The following FILIP1 variants were observed in gnomAD, a reference collection of about 807,000 sequenced individuals.
The protein encoded by FILIP1 is filamin-A-interacting protein 1.
FILIP1 carries 61 observed loss-of-function variants against 102.1 expected under a neutral mutation model. The observed-to-expected ratio is 0.60, with a 90% confidence interval of 0.49 to 0.74. The LOEUF (loss-of-function observed/expected upper bound fraction) is 0.74. Among genes scored for constraint, FILIP1 ranks in the 30% least tolerant of loss-of-function variants. The pLI, the probability that FILIP1 is intolerant of heterozygous loss-of-function variation, is 0.00. For missense variants in FILIP1, 1,314 were observed against 1,441.2 expected (o/e 0.91, Z 1.43); for synonymous variants, 491 against 526.9 (o/e 0.93, Z 0.93).
intron 2 of FILIP1, among the ~76,000 whole-genome samples, chr6:75,402,546 C>G (rs1046495502): frequency 6.6e-6 from 1 of 152,114 alleles, no homozygotes; most frequent in African/African-American, 2.4e-5. Context: ...CCTCATTCTT[C>G]AGAAGCACAG....
chr6:75,355,347 T>G (rs1319459972), intron 3 of FILIP1, among the ~76,000 whole-genome samples: 3 of 151,530 alleles, frequency 2.0e-5, no homozygotes, highest in Non-Finnish European at 4.4e-5. Flanking sequence ...TCCGGAAATA[T>G]TATTACCAGG....
chr6:75,343,415 T>C (rs73453760), intron 4 of FILIP1, among the ~76,000 whole-genome samples: 1,689 of 152,232 alleles, frequency 0.011, 37 homozygotes, highest in African/African-American at 0.039. Context: ...TTTATATTAC[T>C]CTCCATCTTT....
At chr6:75,422,607 T>G (rs1033479913) in intron 1 of FILIP1, among the ~76,000 whole-genome samples, 1 of 152,172 alleles carries the variant, frequency 6.6e-6, no homozygotes, top group Non-Finnish European at 1.5e-5. Flanking sequence ...TTAGGCATTA[T>G]CTCAGCAGTC....
chr6:75,354,013 A>C (rs755321095), intron 3 of FILIP1, among the ~76,000 whole-genome samples: 5 of 152,086 alleles, frequency 3.3e-5, no homozygotes, highest in African/African-American at 4.8e-5. Context: ...TATCCATTCT[A>C]CTGTTGATGA....
chr6:75,446,163 T>C (rs1778438533), intron 1 of FILIP1, among the ~76,000 whole-genome samples: 1 of 152,158 alleles, frequency 6.6e-6, no homozygotes, highest in Admixed American at 6.5e-5. Context: ...AACTTATATT[T>C]ATTAGAATAT....
In FILIP1 at chr6:75,424,549, C is replaced by A. The variant is rs1316267735; in HGVS notation, c.-6-9571G>T. 5.3e-5 allele frequency among the ~76,000 whole-genome samples: 8 copies of A among 152,206 alleles called. No individual in the cohort carries two copies. In the East Asian group the frequency reaches 9.6e-4, roughly 18 times the overall value. ...CTCCAGAAACAGAAACATTTTATGA[C>A]AACTGGATGAGTAGAACTGTTTTTT... is the stretch of plus-strand genomic sequence containing the variant. On this transcript the variant is annotated intron_variant, in intron 1 of 5. Transcript: ENST00000237172.
intron 1 of FILIP1, among the ~76,000 whole-genome samples, chr6:75,429,329 T>A (rs943451525): frequency 6.6e-6 from 1 of 152,256 alleles, no homozygotes; most frequent in South Asian, 2.1e-4. Context: ...AGGCCAACTC[T>A]GTGTGTAGGG....
At chr6:75,465,388 A>C (rs758873786) in intron 1 of FILIP1, 28 of 515,954 alleles carry the variant, frequency 5.4e-5, no homozygotes, top group Non-Finnish European at 9.3e-5. Context: ...AACATAAATT[A>C]ATCTGAATGG....
intron 2 of FILIP1, 118 bp downstream of exon 2, chr6:75,414,579 G>A: frequency 1.0e-6 from 1 of 967,868 alleles, no homozygotes; most frequent in Non-Finnish European, 1.5e-6. Flanking sequence ...AGAAATAAGG[G>A]AAACATTCTC....
Position 75,315,216 on chromosome 6 carries a change from T to C in FILIP1, c.630-14A>G, listed in dbSNP as rs376789528. 1.3e-5 allele frequency: 20 copies of C among 1,490,320 alleles called. No individual in the cohort carries two copies. The highest frequency in any genetic ancestry group is 1.7e-5 in the Non-Finnish European group (19 of 1,116,288). The allele number at this position is 1,490,320 out of a possible 1,614,324, so 92.3% of individuals were successfully genotyped here. A position where few individuals can be genotyped will look rare whatever the true frequency, so the allele number is the denominator to read the frequency against. On this transcript the variant is annotated splice_polypyrimidine_tract_variant and intron_variant, in intron 4 of 5. Coordinates refer to ENST00000237172, the MANE Select transcript of FILIP1 (RefSeq NM_015687.5). ...AGCTTTTTTAACCTAGAAAATAAAATATACCTATATGTTAAAAGAGTAATC... is the reference window on the plus strand; with the variant it reads ...AGCTTTTTTAACCTAGAAAATAAAACATACCTATATGTTAAAAGAGTAATC...
At position 75,323,146 on chromosome 6, in the gene FILIP1, A is replaced by AT. The variant is rs1294098068; in HGVS notation, c.630-7945dup. 1.1e-4 allele frequency among the ~76,000 whole-genome samples: 16 copies of AT among 151,976 alleles called. 1 individual carries two copies. Among genetic ancestry groups the AT allele is most frequent in the South Asian group, 8.3e-4 (4 of 4,806 alleles). On this transcript the variant is annotated intron_variant, in intron 4 of 5. Transcript: ENST00000237172. ...ATTTAGAAAACTCTTTATTAATGTG[A>AT]TTTTTTTTACATTTAATTAAATAAT...
chr6:75,295,764 T>C, exon 7 of FILIP1: 1 of 459,154 alleles, frequency 2.2e-6, no homozygotes, highest in Non-Finnish European at 3.6e-6. Context: ...TTTTACATTA[T>C]ATCCTTAAAA....
At chr6:75,384,831 G>A in intron 2 of FILIP1, 1 of 122,010 alleles carries the variant, frequency 8.2e-6, no homozygotes, top group South Asian at 2.5e-4. Flanking sequence ...GTCTTGTTCT[G>A]TTGCCCAGGC....
intron 1 of FILIP1, among the ~76,000 whole-genome samples, chr6:75,445,029 C>T (rs933992526): frequency 5.3e-5 from 8 of 152,070 alleles, no homozygotes; most frequent in Admixed American, 3.9e-4. Flanking sequence ...AACATAAATT[C>T]GAGGCTGAGA....
chr6:75,383,989 A>G (rs1775993219), intron 2 of FILIP1, among the ~76,000 whole-genome samples: 1 of 152,190 alleles, frequency 6.6e-6, no homozygotes, highest in Non-Finnish European at 1.5e-5. Context: ...CAACAATAGA[A>G]TGGAAAGGTC....
chr6:75,366,351 G>T (rs971866682), intron 2 of FILIP1, among the ~76,000 whole-genome samples: 5 of 152,122 alleles, frequency 3.3e-5, no homozygotes, highest in Non-Finnish European at 7.4e-5. Flanking sequence ...AGTTTACATG[G>T]CTTGAGCATA....
intron 4 of FILIP1, among the ~76,000 whole-genome samples, chr6:75,338,165 A>T (rs879014791): frequency 6.6e-6 from 1 of 152,224 alleles, no homozygotes; most frequent in African/African-American, 2.4e-5. Context: ...ATATTTTTTA[A>T]AATCCTTAAG....
At chr6:75,413,062 C>A (rs1056550839) in intron 2 of FILIP1, among the ~76,000 whole-genome samples, 1 of 152,094 alleles carries the variant, frequency 6.6e-6, no homozygotes, top group East Asian at 1.9e-4. Flanking sequence ...TATCTAGGAT[C>A]TGAAACCTTA....
intron 1 of FILIP1, among the ~76,000 whole-genome samples, chr6:75,444,520 T>G (rs1205513247): frequency 6.6e-6 from 1 of 150,860 alleles, no homozygotes; most frequent in African/African-American, 2.5e-5. Flanking sequence ...GTAAAATAAC[T>G]CATTTAATAA....
Sources: allele counts gnomAD v4.1 joint callset (sites outside exome capture counted in the v4.1 genomes callset), GRCh38; gene constraint gnomAD v4.1.1; transcripts MANE v1.5; gene names NCBI Gene and HGNC (gene_info 2026-07-23, HGNC 2026-07-21).